DIP2C: variants seen among roughly 807,000 people sequenced by gnomAD.
The protein encoded by DIP2C is DIP2 acetate--CoA ligase C (putative).
A neutral mutation model predicts 192.4 loss-of-function variants in DIP2C; 33 were observed. The observed-to-expected ratio is 0.17, with a 90% confidence interval of 0.13 to 0.23. DIP2C has a LOEUF of 0.23. DIP2C is among the 10% of genes least tolerant of loss of function. The pLI, the probability that DIP2C is intolerant of heterozygous loss-of-function variation, is 1.00. For missense variants in DIP2C, 1,537 were observed against 2,110.1 expected (o/e 0.73, Z 5.32); for synonymous variants, 979 against 864.1 (o/e 1.13, Z -2.33).
intron 1 of DIP2C, among the ~76,000 whole-genome samples, chr10:657,300 C>G (rs55789583): frequency 1.1e-3 from 7 of 6,192 alleles, no homozygotes; most frequent in Non-Finnish European, 2.1e-3. Flanking sequence ...TGGACCTGTC[C>G]CTGGACCTGC....
chr10:410,797 C>T (rs1158417340), intron 8 of DIP2C, among the ~76,000 whole-genome samples: 1 of 152,148 alleles, frequency 6.6e-6, no homozygotes, highest in East Asian at 1.9e-4. Context: ...AAAACACATG[C>T]AAACTTTTGG....
intron 34 of DIP2C, among the ~76,000 whole-genome samples, chr10:283,789 A>G (rs1378412613): frequency 6.6e-6 from 1 of 152,196 alleles, no homozygotes; most frequent in Non-Finnish European, 1.5e-5. Flanking sequence ...TTAACGAATG[A>G]TTATTTCTAA....
At chr10:539,056 T>A (rs1448022317) in intron 1 of DIP2C, among the ~76,000 whole-genome samples, 1 of 152,160 alleles carries the variant, frequency 6.6e-6, no homozygotes, top group Non-Finnish European at 1.5e-5. Context: ...AGCTCAGTTG[T>A]CTGTTCACGT....
At chr10:564,696 A>C (rs1291567065) in intron 1 of DIP2C, among the ~76,000 whole-genome samples, 1 of 152,164 alleles carries the variant, frequency 6.6e-6, no homozygotes, top group African/African-American at 2.4e-5. Flanking sequence ...CAATGAGCCA[A>C]TATGCCCGAA....
chr10:642,682 G>A (rs943606190), intron 1 of DIP2C, among the ~76,000 whole-genome samples: 7 of 152,228 alleles, frequency 4.6e-5, no homozygotes, highest in Non-Finnish European at 7.3e-5. Flanking sequence ...CCAGGCCATC[G>A]CACACGGGTG....
intron 8 of DIP2C, among the ~76,000 whole-genome samples, chr10:410,753 C>G (rs1015111200): frequency 6.6e-6 from 1 of 152,192 alleles, no homozygotes; most frequent in African/African-American, 2.4e-5. Context: ...ATCCTAAGTT[C>G]ATACACAAGC....
intron 1 of DIP2C, among the ~76,000 whole-genome samples, chr10:596,109 T>A (rs1851683481): frequency 6.6e-6 from 1 of 152,146 alleles, no homozygotes; most frequent in Admixed American, 6.5e-5. Context: ...GGACCTTTTT[T>A]AAAGATTCAC....
At chr10:599,245 C>G (rs1851905757) in intron 1 of DIP2C, among the ~76,000 whole-genome samples, 1 of 152,180 alleles carries the variant, frequency 6.6e-6, no homozygotes, top group Non-Finnish European at 1.5e-5. Context: ...ATGAATCCAC[C>G]ACACACAGAA....
rs568058545 is a variant in DIP2C at position 556,871 on chromosome 10, G to A, written c.86-70341C>T. On this transcript the variant is annotated intron_variant, in intron 1 of 36. Coordinates refer to ENST00000280886, the MANE Select transcript of DIP2C (RefSeq NM_014974.3). ...CCCTGGAAGGGATCTGTGCACCTGA[G>A]TCCTTCGTAGCCCTGTCCTGACCTT... Among the ~76,000 whole-genome samples, 271 of 152,300 alleles carry A rather than the reference G, an allele frequency of 1.8e-3. 2 individuals are homozygous for A. Among genetic ancestry groups the A allele is most frequent in the Non-Finnish European group, 2.8e-3 (188 of 68,034 alleles).
At chr10:426,945 T>A (rs1966632889) in intron 4 of DIP2C, among the ~76,000 whole-genome samples, 1 of 140,420 alleles carries the variant, frequency 7.1e-6, no homozygotes, top group African/African-American at 2.8e-5. Flanking sequence ...AGTAAGACTA[T>A]GAGACTTCTA....
At chr10:436,544 C>CCTGAGCT (rs947964855) in intron 4 of DIP2C, among the ~76,000 whole-genome samples, 1 of 150,966 alleles carries the variant, frequency 6.6e-6, no homozygotes, top group Non-Finnish European at 1.5e-5. Flanking sequence ...TCCACCCACA[C>CCTGAGCT]CTGAGCTCTG....
intron 29 of DIP2C, among the ~76,000 whole-genome samples, chr10:330,367 T>C (rs1431526877): frequency 5.3e-5 from 7 of 131,934 alleles, no homozygotes; most frequent in African/African-American, 2.0e-4. Flanking sequence ...ATTTTATCAA[T>C]TGATGGGGTA....
At chr10:441,174 A>G (rs1268474847) in intron 3 of DIP2C, 178 bp from the exon 4 acceptor site, 4 of 675,900 alleles carry the variant, frequency 5.9e-6, no homozygotes, top group Non-Finnish European at 9.3e-6. Flanking sequence ...AAATTCATTC[A>G]CAGACTTTTA....
At chr10:303,152 C>G (rs372868820) in intron 32 of DIP2C, among the ~76,000 whole-genome samples, 1 of 152,170 alleles carries the variant, frequency 6.6e-6, no homozygotes, top group African/African-American at 2.4e-5. Context: ...CATCACCACA[C>G]GTGGCGGTAG....
intron 3 of DIP2C, among the ~76,000 whole-genome samples, chr10:459,752 T>C (rs1969603546): frequency 6.8e-6 from 1 of 147,780 alleles, no homozygotes; most frequent in Admixed American, 6.7e-5. Flanking sequence ...GGCTCTGGGA[T>C]CTTCCTCCCA....
intron 1 of DIP2C, among the ~76,000 whole-genome samples, chr10:610,248 C>T (rs1397612793): frequency 6.6e-6 from 1 of 152,150 alleles, no homozygotes; most frequent in Non-Finnish European, 1.5e-5. Flanking sequence ...CACTCATGAG[C>T]AGGAGCTGAC....
chr10:309,181 C>T (rs1564535237), intron 32 of DIP2C, among the ~76,000 whole-genome samples: 1 of 152,172 alleles, frequency 6.6e-6, no homozygotes, highest in African/African-American at 2.4e-5. Flanking sequence ...TTTCCTTCCT[C>T]TCTGGCATCT....
intron 2 of DIP2C, 129 bp downstream of exon 2, chr10:486,327 CCTG>C (rs1844012667): frequency 2.7e-6 from 2 of 748,756 alleles, no homozygotes. Flanking sequence ...GAACTGAATG[CCTG>C]GAGGGTGAAC....
chr10:547,368 T>C (rs970786067), intron 1 of DIP2C, among the ~76,000 whole-genome samples: 1 of 152,086 alleles, frequency 6.6e-6, no homozygotes. Flanking sequence ...GCCAAGTGTG[T>C]GTAACAGGGC....
Sources: allele counts gnomAD v4.1 joint callset (sites outside exome capture counted in the v4.1 genomes callset), GRCh38; gene constraint gnomAD v4.1.1; transcripts MANE v1.5; gene names NCBI Gene and HGNC (gene_info 2026-07-23, HGNC 2026-07-21).